DYM: variants seen among roughly 807,000 people sequenced by gnomAD.
The protein encoded by DYM is dymeclin.
DYM carries 78 observed loss-of-function variants against 93.1 expected under a neutral mutation model. That is an observed-to-expected ratio of 0.84 (90% confidence interval 0.70 to 1.01). The LOEUF (loss-of-function observed/expected upper bound fraction) is 1.01. Ranked by LOEUF, DYM falls within the 50% of genes least tolerant of loss-of-function variation. The pLI is 0.00. For missense variants in DYM, 789 were observed against 845.0 expected, an observed-to-expected ratio of 0.93 and a Z score of 0.82; for synonymous variants, 321 against 319.7, an observed-to-expected ratio of 1.00 and a Z score of -0.04.
intron 1 of DYM, among the ~76,000 whole-genome samples, chr18:49,449,879 C>A (rs532589361): frequency 1.3e-5 from 2 of 152,130 alleles, no homozygotes; most frequent in African/African-American, 2.4e-5. Flanking sequence ...AGACTCCACA[C>A]CTGGTATATA....
At chr18:49,102,034 T>C (rs2080201541) in intron 16 of DYM, among the ~76,000 whole-genome samples, 1 of 152,176 alleles carries the variant, frequency 6.6e-6, no homozygotes, top group Admixed American at 6.5e-5. Flanking sequence ...TTACCTGGTG[T>C]CGGACTGCTT....
intron 15 of DYM, among the ~76,000 whole-genome samples, chr18:49,135,353 T>C (rs1034614728): frequency 6.6e-6 from 1 of 152,176 alleles, no homozygotes; most frequent in Non-Finnish European, 1.5e-5. Flanking sequence ...GGAAACACTG[T>C]GGCACAAGAG....
chr18:49,261,700 A>G (rs1315220244), intron 11 of DYM, among the ~76,000 whole-genome samples: 3 of 152,228 alleles, frequency 2.0e-5, no homozygotes, highest in Admixed American at 2.0e-4. Flanking sequence ...ACATTATATA[A>G]TATCAACTCT....
At chr18:49,236,465 G>T (rs951938243) in intron 13 of DYM, among the ~76,000 whole-genome samples, 3 of 143,394 alleles carry the variant, frequency 2.1e-5, no homozygotes, top group African/African-American at 7.6e-5. Context: ...GGGCGACAGA[G>T]CGAGACTCTG....
intron 8 of DYM, among the ~76,000 whole-genome samples, chr18:49,327,060 G>T (rs1365567673): frequency 8.4e-6 from 1 of 119,266 alleles, no homozygotes; most frequent in African/African-American, 3.2e-5. Context: ...AAAGAGAAAG[G>T]GGGAGAGAGA....
At chr18:49,417,228 A>G (rs1176773852) in intron 2 of DYM, among the ~76,000 whole-genome samples, 1 of 151,878 alleles carries the variant, frequency 6.6e-6, no homozygotes, top group African/African-American at 2.4e-5. Flanking sequence ...TAGTCACTAC[A>G]ACCTTGAACT....
intron 8 of DYM, among the ~76,000 whole-genome samples, chr18:49,290,275 C>T (rs540170454): frequency 5.3e-5 from 8 of 151,352 alleles, no homozygotes; most frequent in Non-Finnish European, 1.0e-4. Flanking sequence ...CAAGGAAATA[C>T]CGTTAAGTGA....
intron 14 of DYM, among the ~76,000 whole-genome samples, chr18:49,175,152 T>C (rs2089241412): frequency 6.6e-6 from 1 of 152,198 alleles, no homozygotes; most frequent in Non-Finnish European, 1.5e-5. Flanking sequence ...ACTGTAAACA[T>C]GTATTTTTCC....
intron 13 of DYM, among the ~76,000 whole-genome samples, chr18:49,256,045 C>T (rs894521118): frequency 7.1e-6 from 1 of 140,866 alleles, no homozygotes; most frequent in Non-Finnish European, 1.5e-5. Flanking sequence ...GATCGCACCA[C>T]GGCACTCCAT....
At chr18:49,242,300 G>C (rs12957140) in intron 13 of DYM, among the ~76,000 whole-genome samples, 1 of 152,206 alleles carries the variant, frequency 6.6e-6, no homozygotes. Flanking sequence ...TGTAGTCCCA[G>C]CTACTTGGGA....
rs1349183067 is a variant in DYM, at chr18:49,202,581, A to G, written c.1625+6970T>C. On this transcript the variant is annotated intron_variant, in intron 14 of 17. Transcript: ENST00000675505. The stretch of plus-strand genomic sequence containing the variant: ...CTTCCCAGCCGCCATCACATCTAGG[A>G]AGTGAGGAGCGTCTCTGCCCGGCCG... Among the ~76,000 whole-genome samples the G allele has an allele frequency of 4.8e-5, 6 of 126,296 alleles. No homozygotes were observed. In the Admixed American group the frequency reaches 4.8e-4, roughly 10 times the overall value. 82.9% of individuals were successfully genotyped at this position (126,296 alleles called of 152,430 possible). A position where few individuals can be genotyped will look rare whatever the true frequency, so the allele number is the denominator to read the frequency against.
At chr18:49,107,278 T>C (rs2080924965) in intron 16 of DYM, among the ~76,000 whole-genome samples, 1 of 152,250 alleles carries the variant, frequency 6.6e-6, no homozygotes, top group South Asian at 2.1e-4. Context: ...AGGACTTCTG[T>C]GCATTGGTTA....
chr18:49,114,159 G>A (rs2081702206), intron 16 of DYM, among the ~76,000 whole-genome samples: 1 of 152,220 alleles, frequency 6.6e-6, no homozygotes, highest in Non-Finnish European at 1.5e-5. Context: ...AATAGCATCT[G>A]AGAAACCTCT....
intron 14 of DYM, among the ~76,000 whole-genome samples, chr18:49,189,816 T>C (rs1268164849): frequency 6.6e-6 from 1 of 152,224 alleles, no homozygotes; most frequent in Non-Finnish European, 1.5e-5. Context: ...TAAACAACCA[T>C]GATAACAGGA....
At chr18:49,405,208 G>A (rs889179249) in intron 2 of DYM, among the ~76,000 whole-genome samples, 4 of 152,094 alleles carry the variant, frequency 2.6e-5, no homozygotes, top group Admixed American at 6.6e-5. Context: ...TGTTTACTCT[G>A]TTGATTTTTT....
chr18:49,180,789 T>C (rs1375516015), intron 14 of DYM, among the ~76,000 whole-genome samples: 2 of 152,162 alleles, frequency 1.3e-5, no homozygotes, highest in East Asian at 1.9e-4. Flanking sequence ...AGTTTCCTTA[T>C]ACTTGGTGAT....
chr18:49,397,911 A>G (rs547634089), intron 2 of DYM, among the ~76,000 whole-genome samples: 1 of 152,194 alleles, frequency 6.6e-6, no homozygotes, highest in Non-Finnish European at 1.5e-5. Context: ...TACTTTTTCA[A>G]TGTGGCTACT....
intron 13 of DYM, among the ~76,000 whole-genome samples, chr18:49,233,581 C>A (rs2093774300): frequency 6.6e-6 from 1 of 152,168 alleles, no homozygotes; most frequent in African/African-American, 2.4e-5. Flanking sequence ...AGTAGTTGTG[C>A]TATCACTCCC....
At chr18:49,313,462 CAAAAAAAAAA>C (rs60775305) in intron 8 of DYM, among the ~76,000 whole-genome samples, 12 of 28,562 alleles carry the variant, frequency 4.2e-4, no homozygotes, top group African/African-American at 9.5e-4. Flanking sequence ...GACTCTGTCA[CAAAAAAAAAA>C]AAAAAAAAAA....
Sources: gnomAD v4.1 joint callset for allele counts (sites outside exome capture counted in the v4.1 genomes callset) on GRCh38, gnomAD v4.1.1 for gene constraint, MANE v1.5 for transcripts, NCBI Gene and HGNC (gene_info 2026-07-23, HGNC 2026-07-21) for gene names.